Variants in ST18 observed in about 807,000 individuals in gnomAD.
ST18 encodes the protein suppression of tumorigenicity 18 protein.
A neutral mutation model predicts 110.0 loss-of-function variants in ST18; 50 were observed. That is an observed-to-expected ratio of 0.45 (90% CI 0.36 to 0.58). The LOEUF is 0.58. Ranked by LOEUF, ST18 falls within the 20% of genes least tolerant of loss-of-function variation. The probability of loss-of-function intolerance (pLI) is 0.00; values close to 1 mark genes in which losing one functional copy is unlikely to be tolerated. For missense variants in ST18, 1,306 were observed against 1,280.1 expected, an observed-to-expected ratio of 1.02 and a Z score of -0.31; for synonymous variants, 461 against 452.4, an observed-to-expected ratio of 1.02 and a Z score of -0.24.
At chr8:52,223,949 T>A (rs1317274083) in intron 3 of ST18, among the ~76,000 whole-genome samples, 3 of 152,328 alleles carry the variant, frequency 2.0e-5, no homozygotes, top group East Asian at 1.9e-4. Flanking sequence ...TTGCTTTTTT[T>A]AATAAGTAAA....
intron 8 of ST18, among the ~76,000 whole-genome samples, chr8:52,203,888 G>A (rs959680343): frequency 6.6e-6 from 1 of 152,198 alleles, no homozygotes; most frequent in Non-Finnish European, 1.5e-5. Flanking sequence ...CAAGGGAGCT[G>A]TGTGACAGGC....
intron 2 of ST18, among the ~76,000 whole-genome samples, chr8:52,324,953 T>C (rs1192124182): frequency 6.6e-6 from 1 of 152,194 alleles, no homozygotes; most frequent in East Asian, 1.9e-4. Context: ...GAAATAAGTT[T>C]GGAAAAATAA....
At position 52,290,970 on chromosome 8, in the gene ST18, C is replaced by G. The variant is rs144881911; in HGVS notation, c.-464-60893G>C. On this transcript the variant is annotated intron_variant, in intron 2 of 25. Coordinates refer to ENST00000689386, the MANE Select transcript of ST18 (RefSeq NM_001352837.2). ...GTCAGTTGCTGGTGTCTGTCCATCA[C>G]CAGCTTAAAAAGCATCTCCCTGTGG... 6.0e-3 allele frequency among the ~76,000 whole-genome samples: 917 copies of G among 152,332 alleles called. 5 individuals carry two copies. Among genetic ancestry groups the G allele is most frequent in the African/African-American group, 0.021 (869 of 41,572 alleles).
chr8:52,302,359 A>G (rs2139556982), intron 2 of ST18, among the ~76,000 whole-genome samples: 1 of 152,350 alleles, frequency 6.6e-6, no homozygotes, highest in Middle Eastern at 3.4e-3. Context: ...TTCAATAAGT[A>G]TATAAATTGA....
At chr8:52,234,120 A>C (rs980562040) in intron 2 of ST18, among the ~76,000 whole-genome samples, 5 of 152,210 alleles carry the variant, frequency 3.3e-5, no homozygotes, top group African/African-American at 1.2e-4. Context: ...TTTCCAAAAA[A>C]AGCATGTGCA....
intron 15 of ST18, among the ~76,000 whole-genome samples, chr8:52,153,933 A>T (rs1212233723): frequency 2.6e-5 from 4 of 152,254 alleles, no homozygotes; most frequent in Non-Finnish European, 2.9e-5. Flanking sequence ...CTGGCACATA[A>T]TACGTCTTCC....
At chr8:52,183,987 T>C (rs1199243452) in intron 8 of ST18, among the ~76,000 whole-genome samples, 1 of 152,222 alleles carries the variant, frequency 6.6e-6, no homozygotes, top group Non-Finnish European at 1.5e-5. Flanking sequence ...TGTGTGTGCA[T>C]GGAAAATGGT....
chr8:52,319,974 T>A (rs1053965774), intron 2 of ST18, among the ~76,000 whole-genome samples: 4 of 152,122 alleles, frequency 2.6e-5, no homozygotes, highest in Admixed American at 6.5e-5. Flanking sequence ...TCACATCACA[T>A]CACTACAGCC....
rs1015366074 is a variant in ST18 at position 52,326,237 on chromosome 8, A to G, written c.-465+83091T>C. Among the ~76,000 whole-genome samples, 6 of 152,288 alleles carry G rather than the reference A, an allele frequency of 3.9e-5. 1 individual carries two copies. The South Asian group carries it at 1.2e-3, about 32-fold the overall frequency. On this transcript the variant is annotated intron_variant, in intron 2 of 25. Transcript: ENST00000689386. The stretch of plus-strand genomic sequence containing the variant: ...CTTACCATGGAGTCTCATTTCCACA[A>G]TGGTGACAGTGGGATTTGGCCTGCA...
chr8:52,363,665 A>G (rs1322677311), intron 2 of ST18, among the ~76,000 whole-genome samples: 2 of 152,230 alleles, frequency 1.3e-5, no homozygotes, highest in African/African-American at 2.4e-5. Context: ...CCTAAGCAAG[A>G]TAAGGAGCCC....
At chr8:52,270,001 A>AT (rs1034320945) in intron 2 of ST18, among the ~76,000 whole-genome samples, 4 of 150,100 alleles carry the variant, frequency 2.7e-5, no homozygotes, top group African/African-American at 1.0e-4. Context: ...GCAAAACCAC[A>AT]TTTTTTCCCC....
intron 2 of ST18, among the ~76,000 whole-genome samples, chr8:52,279,160 T>C (rs2139103783): frequency 6.6e-6 from 1 of 152,202 alleles, no homozygotes; most frequent in Middle Eastern, 3.4e-3. Context: ...TTTAGCATAG[T>C]TAAAGCAATC....
chr8:52,339,648 A>T (rs535487306), intron 2 of ST18, among the ~76,000 whole-genome samples: 18 of 152,270 alleles, frequency 1.2e-4, no homozygotes, highest in African/African-American at 4.1e-4. Context: ...AGGTCTAAAG[A>T]CGGCTGAGCT....
chr8:52,132,590 C>T (rs1198488431), intron 21 of ST18, among the ~76,000 whole-genome samples: 1 of 152,178 alleles, frequency 6.6e-6, no homozygotes. Flanking sequence ...GCACATTACT[C>T]ATAGAACTGG....
rs2065190405 is a variant in ST18, at chr8:52,172,142, C to A, written c.719G>T (p.Gly240Val). Residue 240 changes from glycine (G) to valine (V), a missense_variant, in exon 10 of 26, where the codon GGT (glycine) becomes GTT (valine). Physicochemically the swap from Gly to Val is moderately radical, Grantham distance 109 (BLOSUM62 -3). Transcript: ENST00000689386. ...LLEVPEIKTE[G>V]DKFIPCENRC... ...GTTCTCACAAGGGATAAATTTGTCACCTTCAGTTTTTATTTCAGGAACTTC... is the reference window on the plus strand; with the variant it reads ...GTTCTCACAAGGGATAAATTTGTCAACTTCAGTTTTTATTTCAGGAACTTC... 1 of 1,614,034 alleles carries A rather than the reference C, an allele frequency of 6.2e-7. No homozygotes were observed.
rs536359352 is a variant in ST18, at chr8:52,155,402, T to C, written c.1806+3496A>G. ...ATATGTTGGATTGTATTTTAACAAA[T>C]AAATAATTCCTTTGAAAATCTTCTG... On this transcript the variant is annotated intron_variant, in intron 15 of 25. Transcript: ENST00000689386. 4.6e-5 allele frequency among the ~76,000 whole-genome samples: 7 copies of C among 152,298 alleles called. No homozygotes were observed. The East Asian group carries it at 1.2e-3, about 25-fold the overall frequency.
chr8:52,158,505 C>T (rs1351551368), intron 15 of ST18, among the ~76,000 whole-genome samples: 2 of 152,148 alleles, frequency 1.3e-5, no homozygotes, highest in Non-Finnish European at 2.9e-5. Flanking sequence ...ACATTTCTTA[C>T]CTTCTTTGAT....
At chr8:52,241,862 T>C (rs945742768) in intron 2 of ST18, among the ~76,000 whole-genome samples, 3 of 152,214 alleles carry the variant, frequency 2.0e-5, no homozygotes, top group Non-Finnish European at 4.4e-5. Flanking sequence ...AATAATGTAA[T>C]TGAAACTCTT....
chr8:52,407,234 G>GTA (rs1844838276), intron 2 of ST18: 1 of 152,248 alleles, frequency 6.6e-6, no homozygotes, highest in African/African-American at 2.4e-5. Flanking sequence ...AGTGTAAAAT[G>GTA]TATGTCCAAT....
Sources: gnomAD v4.1 joint callset for allele counts (sites outside exome capture counted in the v4.1 genomes callset) on GRCh38, gnomAD v4.1.1 for gene constraint, MANE v1.5 for transcripts, NCBI Gene and HGNC (gene_info 2026-07-23, HGNC 2026-07-21) for gene names.